Variants in ENO1 observed in about 807,000 individuals in gnomAD.
ENO1 encodes enolase 1.
In ENO1, 33 loss-of-function variants were observed where a neutral mutation model predicts 46.3. The observed-to-expected ratio is 0.71, with a 90% confidence interval of 0.54 to 0.95. The LOEUF (loss-of-function observed/expected upper bound fraction) is 0.95. Among genes scored for constraint, ENO1 ranks in the 40% least tolerant of loss-of-function variants. The pLI, the probability that ENO1 is intolerant of heterozygous loss-of-function variation, is 0.00. For synonymous variants in ENO1, 220 were observed against 216.0 expected, an observed-to-expected ratio of 1.02 and a Z score of -0.16; for missense variants, 488 against 553.3, an observed-to-expected ratio of 0.88 and a Z score of 1.18.
At chr1:8,873,265 T>C (rs932277303) in intron 2 of ENO1, among the ~76,000 whole-genome samples, 1 of 152,214 alleles carries the variant, frequency 6.6e-6, no homozygotes, top group African/African-American at 2.4e-5. Flanking sequence ...CAGTGGGTAC[T>C]CATGGGTTTA....
Position 8,865,634 on chromosome 1 carries a change from T to C in ENO1, c.668-152A>G, listed in dbSNP as rs534711275. 5.4e-6 allele frequency: 4 copies of C among 740,754 alleles called. No individual in the cohort carries two copies. The African/African-American group carries it at 7.1e-5, about 13-fold the overall frequency. 45.9% of individuals were successfully genotyped at this position (740,754 alleles called of 1,614,324 possible). Reference sequence around the variant, plus strand: ...TGACATCAGTTACTTTTTTTCTGCTTTGGGGCAAGAAACCATGGGTCAGAG... The same window carrying C: ...TGACATCAGTTACTTTTTTTCTGCTCTGGGGCAAGAAACCATGGGTCAGAG... On this transcript the variant is annotated intron_variant, in intron 7 of 11. Coordinates refer to ENST00000234590, the MANE Select transcript of ENO1 (RefSeq NM_001428.5).
intron 1 of ENO1, chr1:8,877,847 A>C (rs1418693014): frequency 1.3e-5 from 2 of 149,430 alleles, no homozygotes; most frequent in African/African-American, 5.0e-5. Context: ...GCGCAATTGC[A>C]CTCCAGCCTG....
In ENO1 at chr1:8,865,424, G is replaced by A. The variant is rs926942765; in HGVS notation, c.726C>T (p.Ile242=). The A allele has an allele frequency of 6.1e-5, 99 of 1,613,778 alleles. No individual in the cohort carries two copies. The highest frequency in any genetic ancestry group is 7.8e-5 in the Non-Finnish European group (92 of 1,180,046). ...ACTCGGAGGCCGCTACGTCCATGCC[G>A]ATGACCACCTTATCAGTGTAGCCAG... ...GKAGYTDKVV[I]GMDVAASEFF... The change falls in exon 8 of 12, where the codon ATC becomes ATT. Residue 242 remains isoleucine, a synonymous_variant. Coordinates refer to ENST00000234590, the MANE Select transcript of ENO1 (RefSeq NM_001428.5).
chr1:8,874,276 C>G (rs1225451969), intron 2 of ENO1, among the ~76,000 whole-genome samples: 1 of 152,094 alleles, frequency 6.6e-6, no homozygotes, highest in Non-Finnish European at 1.5e-5. Context: ...TGGTTTTAAG[C>G]CAAGGAGCTG....
chr1:8,870,629 G>C (rs1642611391), intron 3 of ENO1, 119 bp from the exon 4 acceptor site: 1 of 1,535,832 alleles, frequency 6.5e-7, no homozygotes. Context: ...CCTTCTGTGG[G>C]ACCTCTTCCC....
intron 2 of ENO1, chr1:8,873,881 T>C (rs931812107): frequency 3.3e-5 from 5 of 152,258 alleles, no homozygotes; most frequent in Admixed American, 3.3e-4. Context: ...TCGCGCCATG[T>C]GCTGGAGGTA....
chr1:8,862,258 TCAAA>T (rs1363022770), intron 11 of ENO1, among the ~76,000 whole-genome samples: 4 of 152,202 alleles, frequency 2.6e-5, no homozygotes, highest in Non-Finnish European at 5.9e-5. Context: ...AGACCCTGTC[TCAAA>T]CAAACAAAAC....
intron 11 of ENO1, 51 bp from the exon 12 acceptor site, chr1:8,861,480 C>T: frequency 6.2e-7 from 1 of 1,603,126 alleles, no homozygotes; most frequent in South Asian, 1.1e-5. Flanking sequence ...AAAAGTCAGA[C>T]CTCAAGTTTT....
intron 1 of ENO1, among the ~76,000 whole-genome samples, chr1:8,877,174 G>A (rs1642752944): frequency 6.6e-6 from 1 of 151,998 alleles, no homozygotes; most frequent in Admixed American, 6.6e-5. Flanking sequence ...GGATGGTCTC[G>A]ATCTCCTGAC....
intron 2 of ENO1, among the ~76,000 whole-genome samples, chr1:8,874,452 C>T (rs1285057252): frequency 2.8e-4 from 42 of 151,652 alleles, no homozygotes; most frequent in Non-Finnish European, 1.5e-5. Flanking sequence ...GTGGTGCACA[C>T]CTGTAGTCCC....
At position 8,867,159 on chromosome 1, in the gene ENO1, G is replaced by T; in HGVS notation, c.402C>A (p.Ile134=). 1 of 1,614,174 alleles carries T rather than the reference G, an allele frequency of 6.2e-7. No individual in the cohort carries two copies. The highest frequency in any genetic ancestry group is 1.3e-5 in the African/African-American group (1 of 75,058). Residue 134 remains isoleucine (I), a synonymous_variant, in exon 6 of 12, where the codon ATC becomes ATA. Coordinates refer to ENST00000234590, the MANE Select transcript of ENO1 (RefSeq NM_001428.5). Reference sequence around the variant, plus strand: ...CTTCAGAGTTGCCAGCCAAGTCAGCGATGTGGCGGTACAGGGGGACCCCCT... The same window carrying T: ...CTTCAGAGTTGCCAGCCAAGTCAGCTATGTGGCGGTACAGGGGGACCCCCT... The part of the protein sequence containing the change: ...VEKGVPLYRH[I]ADLAGNSEVI...
chr1:8,863,651 A>G (rs936900960), intron 9 of ENO1, among the ~76,000 whole-genome samples: 1 of 152,198 alleles, frequency 6.6e-6, no homozygotes, highest in African/African-American at 2.4e-5. Flanking sequence ...TATGTTGCCC[A>G]GGCTGGTCTT....
rs139101795 is a variant in ENO1 at position 8,876,836 on chromosome 1, A to G, written c.-10+1744T>C. 3.1e-3 allele frequency among the ~76,000 whole-genome samples: 437 copies of G among 139,768 alleles called. 4 individuals are homozygous for G. The highest frequency in any genetic ancestry group is 8.6e-3 in the African/African-American group (347 of 40,478). 91.7% of individuals were successfully genotyped at this position (139,768 alleles called of 152,430 possible). On this transcript the variant is annotated intron_variant, in intron 1 of 11. Coordinates refer to ENST00000234590, the MANE Select transcript of ENO1 (RefSeq NM_001428.5). Reference sequence around the variant, plus strand: ...GACAAACGTCTTAGGATGTGAAAATAAAGTGTGATTTTTTTTTTATTTTTT... The same window carrying G: ...GACAAACGTCTTAGGATGTGAAAATGAAGTGTGATTTTTTTTTTATTTTTT...
At chr1:8,874,029 A>G (rs1642686805) in intron 2 of ENO1, 2 of 152,238 alleles carry the variant, frequency 1.3e-5, no homozygotes, top group Non-Finnish European at 2.9e-5. Context: ...TCCAAAGCCT[A>G]CAGGTAAAAA....
chr1:8,870,612 C>T, intron 3 of ENO1, 102 bp from the exon 4 acceptor site: 2 of 1,562,784 alleles, frequency 1.3e-6, no homozygotes. Context: ...GGAAGCCCAC[C>T]AAGGGACCTT....
chr1:8,866,325 C>T lies in ENO1; in HGVS notation c.621G>A (p.Val207=), dbSNP rs764993805. The stretch of plus-strand genomic sequence containing the variant: ...TGGGAGCAAACCCGCCTTCATCCCC[C>T]ACATTGGTGGCATCTTTCCCATATT... ...KEKYGKDATN[V]GDEGGFAPNI... The change falls in exon 7 of 12, where the codon GTG becomes GTA. Residue 207 remains valine (V), a synonymous_variant. Transcript: ENST00000234590. The T allele has an allele frequency of 6.2e-7, 1 of 1,614,022 alleles. No individual in the cohort carries two copies. Among genetic ancestry groups the T allele is most frequent in the Non-Finnish European group, 8.5e-7 (1 of 1,180,052 alleles).
At chr1:8,870,301 T>A in intron 4 of ENO1, 151 bp downstream of exon 4, 1 of 955,672 alleles carries the variant, frequency 1.0e-6, no homozygotes, top group Non-Finnish European at 1.5e-6. Flanking sequence ...GTTAGAATTA[T>A]GTCATGCATG....
chr1:8,875,003 G>T, intron 1 of ENO1, 86 bp from the exon 2 acceptor site: 1 of 1,135,466 alleles, frequency 8.8e-7, no homozygotes, highest in Non-Finnish European at 1.3e-6. Context: ...TCCGAGGTTC[G>T]TGGACTAGAG....
chr1:8,862,822 C>T, intron 11 of ENO1, 65 bp downstream of exon 11: 1 of 1,576,340 alleles, frequency 6.3e-7, no homozygotes, highest in Non-Finnish European at 8.7e-7. Flanking sequence ...AGGGCAGTGC[C>T]TACACTGAGT....
Sources: allele counts gnomAD v4.1 joint callset (sites outside exome capture counted in the v4.1 genomes callset), GRCh38; gene constraint gnomAD v4.1.1; transcripts MANE v1.5; gene names NCBI Gene and HGNC (gene_info 2026-07-23, HGNC 2026-07-21).